SPTLC3: variants seen among roughly 807,000 people sequenced by gnomAD.
SPTLC3 encodes serine palmitoyltransferase long chain base subunit 3, also known as serine palmitoyltransferase 3.
A neutral mutation model predicts 59.3 loss-of-function variants in SPTLC3; 36 were observed. That is an observed-to-expected ratio of 0.61 (90% CI 0.47 to 0.80). The LOEUF is 0.80. Among genes scored for constraint, SPTLC3 ranks in the 30% least tolerant of loss-of-function variants. The pLI, the probability that SPTLC3 is intolerant of heterozygous loss-of-function variation, is 0.00. For missense variants in SPTLC3, 625 were observed against 685.1 expected (o/e 0.91, Z 0.98); for synonymous variants, 257 against 240.8 (o/e 1.07, Z -0.62).
At chr20:13,150,550 A>T (rs1054361301) in intron 9 of SPTLC3, among the ~76,000 whole-genome samples, 3 of 152,204 alleles carry the variant, frequency 2.0e-5, no homozygotes, top group African/African-American at 7.2e-5. Context: ...ATGAGTTGTC[A>T]TGTTGATAAA....
intron 2 of SPTLC3, chr20:13,051,151 G>A (rs1230005863): frequency 2.0e-5 from 3 of 152,192 alleles, no homozygotes; most frequent in African/African-American, 7.2e-5. Flanking sequence ...CAGAACCACA[G>A]AATGGGTAAG....
intron 1 of SPTLC3, among the ~76,000 whole-genome samples, 190 bp from the exon 2 acceptor site, chr20:13,048,755 A>G (rs1479966971): frequency 1.3e-5 from 2 of 152,182 alleles, no homozygotes; most frequent in African/African-American, 2.4e-5. Flanking sequence ...GCTTGAATCA[A>G]TTATGTTACT....
At chr20:13,032,179 A>G (rs1240652333) in intron 1 of SPTLC3, among the ~76,000 whole-genome samples, 3 of 152,218 alleles carry the variant, frequency 2.0e-5, no homozygotes, top group African/African-American at 7.2e-5. Flanking sequence ...TAACTCAATA[A>G]AAGCTCTGTG....
chr20:13,021,603 G>A (rs959153589), intron 1 of SPTLC3, among the ~76,000 whole-genome samples: 13 of 127,184 alleles, frequency 1.0e-4, no homozygotes, highest in East Asian at 4.7e-4. Flanking sequence ...TCTTGTCAGT[G>A]TAACTGCATC....
intron 6 of SPTLC3, among the ~76,000 whole-genome samples, chr20:13,105,025 A>C (rs990988438): frequency 5.3e-5 from 8 of 152,204 alleles, no homozygotes; most frequent in Non-Finnish European, 1.0e-4. Flanking sequence ...AATCCCTTGC[A>C]GATGTAAGCA....
chr20:13,082,914 A>C (rs890008092), intron 4 of SPTLC3, among the ~76,000 whole-genome samples: 1 of 152,226 alleles, frequency 6.6e-6, no homozygotes, highest in Non-Finnish European at 1.5e-5. Flanking sequence ...GACATCATCA[A>C]TGTCTGCTCC....
chr20:13,141,322 G>A (rs1018851914), intron 9 of SPTLC3, among the ~76,000 whole-genome samples: 74 of 152,222 alleles, frequency 4.9e-4, no homozygotes, highest in African/African-American at 1.8e-3. Context: ...CTCAAATTCT[G>A]TCTCTTCTCT....
At position 13,018,605 on chromosome 20, in the gene SPTLC3, C is replaced by T. The variant is rs1005273791; in HGVS notation, c.117+9221C>T. ...GTTGACTCAATAAAGTGTGTGTGCT[C>T]AGGTGTTTCATTGGCTTAATTAACA... On this transcript the variant is annotated intron_variant, in intron 1 of 11. Transcript: ENST00000399002. 2.6e-5 allele frequency among the ~76,000 whole-genome samples: 4 copies of T among 152,256 alleles called. 1 individual carries two copies. Among genetic ancestry groups the T allele is most frequent in the African/African-American group, 9.6e-5 (4 of 41,544 alleles).
chr20:13,099,156 G>C (rs761753690), intron 6 of SPTLC3, among the ~76,000 whole-genome samples: 3 of 152,144 alleles, frequency 2.0e-5, no homozygotes, highest in Admixed American at 6.5e-5. Flanking sequence ...GCAATCATAG[G>C]GTTGTTAAAT....
intron 4 of SPTLC3, among the ~76,000 whole-genome samples, chr20:13,081,120 G>A (rs6134774): frequency 0.27 from 41,668 of 151,854 alleles, 5,848 homozygotes; most frequent in Middle Eastern, 0.35. Context: ...CAGCTTCCCA[G>A]GACACACTTC....
intron 1 of SPTLC3, 63 bp from the exon 2 acceptor site, chr20:13,048,882 T>C: frequency 2.2e-6 from 3 of 1,380,140 alleles, no homozygotes; most frequent in Non-Finnish European, 2.9e-6. Flanking sequence ...TTCACAATTT[T>C]AGGTATCATA....
At chr20:13,161,263 A>C (rs2038890261) in intron 11 of SPTLC3, among the ~76,000 whole-genome samples, 1 of 152,204 alleles carries the variant, frequency 6.6e-6, no homozygotes, top group African/African-American at 2.4e-5. Flanking sequence ...GTATACAGTA[A>C]GGAACAGCAA....
chr20:13,101,804 A>G (rs1989610066), intron 6 of SPTLC3, among the ~76,000 whole-genome samples: 1 of 152,132 alleles, frequency 6.6e-6, no homozygotes, highest in Non-Finnish European at 1.5e-5. Flanking sequence ...GAGATCCTGC[A>G]TTCTGACAAG....
intron 2 of SPTLC3, among the ~76,000 whole-genome samples, chr20:13,063,640 T>TATTTATTC (rs1988058926): frequency 6.8e-6 from 1 of 146,190 alleles, no homozygotes; most frequent in Admixed American, 6.8e-5. Flanking sequence ...TTTTAAATTT[T>TATTTATTC]ATTTATTTAT....
intron 2 of SPTLC3, among the ~76,000 whole-genome samples, chr20:13,066,253 AAAG>A (rs1388835906): frequency 9.7e-6 from 1 of 103,048 alleles, no homozygotes; most frequent in African/African-American, 3.4e-5. Context: ...TAGTATGAGA[AAAG>A]AATCCAATTT....
intron 7 of SPTLC3, among the ~76,000 whole-genome samples, chr20:13,114,410 T>G (rs1990417748): frequency 6.6e-6 from 1 of 152,210 alleles, no homozygotes; most frequent in South Asian, 2.1e-4. Context: ...AAAATATCCT[T>G]GAGGTGTGGT....
At chr20:13,150,254 T>C (rs145218189) in intron 9 of SPTLC3, among the ~76,000 whole-genome samples, 36 of 152,366 alleles carry the variant, frequency 2.4e-4, no homozygotes, top group Non-Finnish European at 4.3e-4. Context: ...TCTTAATTTC[T>C]AGTTCTGCAC....
In SPTLC3 at chr20:13,041,676, G is replaced by C. The variant is rs1440251295; in HGVS notation, c.118-7269G>C. ...TTTCTTTACATGACTCATATTTTTG[G>C]CTTAAAACTGAACATTTTAAATAAA... On this transcript the variant is annotated intron_variant, in intron 1 of 11. Coordinates refer to ENST00000399002, the MANE Select transcript of SPTLC3 (RefSeq NM_018327.4). Among the ~76,000 whole-genome samples, 7 of 151,954 alleles carry C rather than the reference G, an allele frequency of 4.6e-5. No individual in the cohort carries two copies. In the South Asian group the frequency reaches 1.3e-3, roughly 27 times the overall value.
intron 7 of SPTLC3, among the ~76,000 whole-genome samples, chr20:13,110,603 G>A (rs2236125): frequency 0.37 from 55,971 of 151,900 alleles, 10,777 homozygotes; most frequent in African/African-American, 0.48. Flanking sequence ...TGGGTGGCCC[G>A]GATGCCCCTA....
Sources: allele counts gnomAD v4.1 joint callset (sites outside exome capture counted in the v4.1 genomes callset), GRCh38; gene constraint gnomAD v4.1.1; transcripts MANE v1.5; gene names NCBI Gene and HGNC (gene_info 2026-07-23, HGNC 2026-07-21).